The following PACS2 variants were observed in gnomAD, a reference collection of about 807,000 sequenced individuals.
PACS2 encodes phosphofurin acidic cluster sorting protein 2, also known as PACS1-like protein.
Under a neutral mutation model 113.0 loss-of-function variants are expected in PACS2, and 36 were observed. The observed-to-expected ratio is 0.32, with a 90% confidence interval of 0.24 to 0.42. The LOEUF is 0.42. PACS2 is among the 10% of genes least tolerant of loss of function. The pLI, the probability that PACS2 is intolerant of heterozygous loss-of-function variation, is 1.00. For synonymous variants in PACS2, 589 were observed against 536.1 expected (o/e 1.10, Z -1.36); for missense variants, 1,015 against 1,239.5 (o/e 0.82, Z 2.72).
rs1055751910 is a variant in PACS2, at chr14:105,323,294, G to A, written c.119+8257G>A. 6.6e-6 allele frequency among the ~76,000 whole-genome samples: 1 copy of A among 152,128 alleles called. No homozygotes were observed. Among genetic ancestry groups the A allele is most frequent in the Non-Finnish European group, 1.5e-5 (1 of 68,032 alleles). The stretch of plus-strand genomic sequence containing the variant: ...AATTGGACGTGTTGCTCTTCCTGCC[G>A]GATCCTCCACATCCATAGATGCACT... On this transcript the variant is annotated intron_variant, in intron 1 of 24. Coordinates refer to ENST00000447393, the MANE Select transcript of PACS2 (RefSeq NM_001100913.3). The surrounding 1 kb of genome is among the most constrained non-coding windows in gnomAD (Gnocchi z 4.1).
rs782253360 is a variant in PACS2, at chr14:105,369,867, A to G, written c.768A>G (p.Val256=). The G allele has an allele frequency of 2.5e-6, 4 of 1,604,536 alleles. No individual in the cohort carries two copies. Among genetic ancestry groups the G allele is most frequent in the East Asian group, 2.2e-5 (1 of 44,730 alleles). ...AACAGAACTTCAAGCAGAAAGTGGT[A>G]GCGCTGCTGCGGAGGTTCAAAGTGT... ...TRQQNFKQKV[V]ALLRRFKVSD... Residue 256 remains valine (V), a synonymous_variant, in exon 8 of 25, where the codon GTA becomes GTG. Coordinates refer to ENST00000447393, the MANE Select transcript of PACS2 (RefSeq NM_001100913.3).
chr14:105,326,563 C>T lies in PACS2; in HGVS notation c.119+11526C>T, dbSNP rs1156543452. Among the ~76,000 whole-genome samples, 8 of 152,306 alleles carry T rather than the reference C, an allele frequency of 5.3e-5. No homozygotes were observed. The East Asian group carries it at 5.8e-4, about 11-fold the overall frequency. Reference sequence around the variant, plus strand: ...CCGCCGGTGCCTCTAGAAGGTGCTCCGTGGTGGGGCCCGGGAGGGTGGCCC... The same window carrying T: ...CCGCCGGTGCCTCTAGAAGGTGCTCTGTGGTGGGGCCCGGGAGGGTGGCCC... On this transcript the variant is annotated intron_variant, in intron 1 of 24. Coordinates refer to ENST00000447393, the MANE Select transcript of PACS2 (RefSeq NM_001100913.3).
chr14:105,334,579 A>G (rs587739893), intron 1 of PACS2, among the ~76,000 whole-genome samples: 17 of 145,688 alleles, frequency 1.2e-4, no homozygotes, highest in Non-Finnish European at 2.1e-4. Context: ...GAGGGCCAGT[A>G]TGTGCGTAGA....
At chr14:105,339,308 A>C (rs2059637594) in intron 1 of PACS2, among the ~76,000 whole-genome samples, 1 of 150,306 alleles carries the variant, frequency 6.7e-6, no homozygotes. Context: ...GGAGTTTGAG[A>C]TCAGCCTGGC....
intron 20 of PACS2, chr14:105,390,807 C>T (rs587748245): frequency 2.6e-5 from 7 of 273,610 alleles, no homozygotes; most frequent in South Asian, 2.0e-4. Flanking sequence ...AACCAAGGCC[C>T]TGCGGTGTCA....
At position 105,348,520 on chromosome 14, in the gene PACS2, G is replaced by A. The variant is rs149132057; in HGVS notation, c.147G>A (p.Leu49=). 2.1e-4 allele frequency: 334 copies of A among 1,612,470 alleles called. 3 individuals carry two copies. In the East Asian group the frequency reaches 6.9e-3, roughly 33 times the overall value. Residue 49 remains leucine (L), a synonymous_variant, in exon 2 of 25, where the codon CTG becomes CTA. Transcript: ENST00000447393. The surrounding 1 kb of genome is among the most constrained non-coding windows in gnomAD (Gnocchi z 6.4). The part of the protein sequence containing the change: ...PRLCSLTLKK[L]VVFKELEKEL... ...TGTGCAGCCTGACTCTGAAGAAGCT[G>A]GTGGTCTTCAAGGAGCTGGAGAAGG...
chr14:105,373,810 C>T (rs1210279254), intron 8 of PACS2, among the ~76,000 whole-genome samples: 1 of 151,310 alleles, frequency 6.6e-6, no homozygotes, highest in Non-Finnish European at 1.5e-5. Flanking sequence ...GGAATTTGGA[C>T]CCCTACCTCA....
intron 19 of PACS2, among the ~76,000 whole-genome samples, chr14:105,387,241 C>T (rs1411643948): frequency 6.6e-6 from 1 of 152,214 alleles, no homozygotes; most frequent in Non-Finnish European, 1.5e-5. Flanking sequence ...GGGACCTGTG[C>T]AGAGCCCTCT....
Position 105,376,987 on chromosome 14 carries a change from A to G in PACS2, c.959+62A>G. ...TTTCAGATGCCCCGGCCACTCTGCGACCACTCTGGCAGACCCATGTCCAGC... is the reference window on the plus strand; with the variant it reads ...TTTCAGATGCCCCGGCCACTCTGCGGCCACTCTGGCAGACCCATGTCCAGC... On this transcript the variant is annotated intron_variant, in intron 9 of 24. Coordinates refer to ENST00000447393, the MANE Select transcript of PACS2 (RefSeq NM_001100913.3). The surrounding 1 kb of genome is among the most constrained non-coding windows in gnomAD (Gnocchi z 4.7). 6.7e-7 allele frequency: 1 copy of G among 1,502,252 alleles called. No individual in the cohort carries two copies. Among genetic ancestry groups the G allele is most frequent in the Non-Finnish European group, 9.0e-7 (1 of 1,113,624 alleles). The allele number at this position is 1,502,252 out of a possible 1,614,324, so 93.1% of individuals were successfully genotyped here. A position where few individuals can be genotyped will look rare whatever the true frequency, so the allele number is the denominator to read the frequency against.
intron 1 of PACS2, among the ~76,000 whole-genome samples, chr14:105,306,287 G>GTTTGT (rs202210208): frequency 0.067 from 10,135 of 151,472 alleles, 430 homozygotes; most frequent in African/African-American, 0.11. Flanking sequence ...TTGTTTTTGG[G>GTTTGT]TTTGTTTTGT....
At chr14:105,309,416 C>T (rs115948377), upstream of PACS2, among the ~76,000 whole-genome samples, 692 of 152,322 alleles carry the variant, frequency 4.5e-3, 6 homozygotes, top group African/African-American at 0.016. The surrounding 1 kb of genome is among the most constrained non-coding windows in gnomAD (Gnocchi z 4.0). Context: ...ATTCCACATC[C>T]CATGGGGTGG....
intron 9 of PACS2, among the ~76,000 whole-genome samples, chr14:105,379,200 T>C (rs1555411266): frequency 2.0e-5 from 3 of 152,208 alleles, no homozygotes; most frequent in African/African-American, 7.2e-5. Context: ...CGGAAAGGCC[T>C]GGATAGTCTG....
At position 105,393,258 on chromosome 14, in the gene PACS2, T is replaced by C; in HGVS notation, c.2519T>C (p.Val840Ala). ...FLPKKAKDKD[V>A]ESKSQCIEGI... ...CCCAAGAAAGCGAAGGACAAGGACGTGGAGTCTAAGAGCCAGTGCATTGAG... is the reference window on the plus strand; with the variant it reads ...CCCAAGAAAGCGAAGGACAAGGACGCGGAGTCTAAGAGCCAGTGCATTGAG... The change falls in exon 24 of 25, where the codon GTG becomes GCG. Residue 840 changes from valine (V) to alanine (A), a missense_variant. Val to Ala is a moderately conservative substitution (Grantham distance 64). Around this residue, in one of 3 missense-constraint regions of PACS2, gnomAD observed 859 missense variants for 1,056.8 expected, o/e 0.81. Coordinates refer to ENST00000447393, the MANE Select transcript of PACS2 (RefSeq NM_001100913.3). 1 of 1,612,842 alleles carries C rather than the reference T, an allele frequency of 6.2e-7. No homozygotes were observed. The highest frequency in any genetic ancestry group is 8.5e-7 in the Non-Finnish European group (1 of 1,179,888).
intron 4 of PACS2, among the ~76,000 whole-genome samples, chr14:105,360,751 TC>T (rs1351492567): frequency 6.6e-6 from 1 of 152,102 alleles, no homozygotes; most frequent in Non-Finnish European, 1.5e-5. Context: ...GCAGAATAGT[TC>T]CCTGTCGCAT....
rs781930693 is a variant in PACS2 at position 105,382,833 on chromosome 14, C to T, written c.1545C>T (p.His515=). Reference sequence around the variant, plus strand: ...TCCTCTCCGACGTCCTGCAGAGGCACACGCTCCCCGTGGTGTGCACGTGCT... The same window carrying T: ...TCCTCTCCGACGTCCTGCAGAGGCATACGCTCCCCGTGGTGTGCACGTGCT... ...GQFLSDVLQR[H]TLPVVCTCSP... Residue 515 remains histidine (H), a synonymous_variant, in exon 15 of 25, where the codon CAC becomes CAT. Coordinates refer to ENST00000447393, the MANE Select transcript of PACS2 (RefSeq NM_001100913.3). The T allele has an allele frequency of 1.2e-6, 2 of 1,605,174 alleles. No homozygotes were observed. The highest frequency in any genetic ancestry group is 1.7e-6 in the Non-Finnish European group (2 of 1,177,850).
rs28461287 is a variant in PACS2 at position 105,376,722 on chromosome 14, A to C, written c.802-46A>C. 3 of 1,593,636 alleles carry C rather than the reference A, an allele frequency of 1.9e-6. No homozygotes were observed. The highest frequency in any genetic ancestry group is 2.6e-6 in the Non-Finnish European group (3 of 1,167,330). ...GGTCTCGGGCGCCCCCAGTGGGGCA[A>C]TGTGGGCTGCTGCAGGGAACTCACG... On this transcript the variant is annotated intron_variant, in intron 8 of 24. Coordinates refer to ENST00000447393, the MANE Select transcript of PACS2 (RefSeq NM_001100913.3). The surrounding 1 kb of genome is among the most constrained non-coding windows in gnomAD (Gnocchi z 4.7).
At chr14:105,313,626 G>T (rs2058416689), upstream of PACS2, among the ~76,000 whole-genome samples, 2 of 152,258 alleles carry the variant, frequency 1.3e-5, no homozygotes, top group South Asian at 4.1e-4. Flanking sequence ...GGGGCACTGG[G>T]GTGGCAAGCC....
At position 105,384,912 on chromosome 14, in the gene PACS2, C is replaced by A; in HGVS notation, c.1925C>A (p.Thr642Lys). The part of the protein sequence containing the change: ...QDTPDIVSRI[T>K]QYIAGANCAH... ...ACGCCAGACATTGTGTCACGCATCACGCAGTACATCGCAGGGGCCAACTGT... is the reference window on the plus strand; with the variant it reads ...ACGCCAGACATTGTGTCACGCATCAAGCAGTACATCGCAGGGGCCAACTGT... The change falls in exon 18 of 25, where the codon ACG becomes AAG. Residue 642 changes from threonine (T) to lysine (K), a missense_variant. Transcript: ENST00000447393. 1 of 1,599,056 alleles carries A rather than the reference C, an allele frequency of 6.3e-7. No individual in the cohort carries two copies. The highest frequency in any genetic ancestry group is 8.5e-7 in the Non-Finnish European group (1 of 1,172,956).
At chr14:105,319,168 G>C (rs912484373) in intron 1 of PACS2, among the ~76,000 whole-genome samples, 3 of 144,942 alleles carry the variant, frequency 2.1e-5, no homozygotes, top group Non-Finnish European at 4.5e-5. Context: ...GGATGGTCTC[G>C]ATCTCTTGAC....
Sources: gnomAD v4.1 joint callset for allele counts (sites outside exome capture counted in the v4.1 genomes callset) on GRCh38, gnomAD v4.1.1 for gene constraint, gnomAD v4.1.1 regional missense constraint, Gnocchi (gnomAD v3.1) non-coding constraint, MANE v1.5 for transcripts, NCBI Gene and HGNC (gene_info 2026-07-23, HGNC 2026-07-21) for gene names.